The following CLVS1 variants were observed in gnomAD, a reference collection of about 807,000 sequenced individuals.
CLVS1 encodes clavesin-1.
A neutral mutation model predicts 33.1 loss-of-function variants in CLVS1; 10 were observed. The observed-to-expected ratio is 0.30, with a 90% CI of 0.19 to 0.51. The LOEUF (loss-of-function observed/expected upper bound fraction) is 0.51, where lower values mean the gene tolerates loss of function less well. Among genes scored for constraint, CLVS1 ranks in the 20% least tolerant of loss-of-function variants. The probability of loss-of-function intolerance (pLI) is 0.97; values close to 1 mark genes in which losing one functional copy is unlikely to be tolerated. For missense variants in CLVS1, 343 were observed against 433.4 expected (o/e 0.79, Z 1.85); for synonymous variants, 163 against 166.1 (o/e 0.98, Z 0.14).
chr8:61,377,334 T>A (rs1407211637), intron 3 of CLVS1: 1 of 152,218 alleles, frequency 6.6e-6, no homozygotes, highest in African/African-American at 2.4e-5. Flanking sequence ...TGGTTAGTCT[T>A]TAGGGTTCTT....
chr8:61,245,983 A>G (rs1057484026), intron 2 of CLVS1, among the ~76,000 whole-genome samples: 5 of 151,610 alleles, frequency 3.3e-5, no homozygotes, highest in African/African-American at 1.2e-4. Context: ...TGTTGCCCAG[A>G]CTGGTCTCGA....
At chr8:61,075,557 G>A (rs1471660799) in intron 1 of CLVS1, among the ~76,000 whole-genome samples, 1 of 152,202 alleles carries the variant, frequency 6.6e-6, no homozygotes, top group African/African-American at 2.4e-5. Flanking sequence ...AAACTAAGAT[G>A]GAAACTACTC....
intron 2 of CLVS1, among the ~76,000 whole-genome samples, chr8:61,183,925 C>T (rs1383283440): frequency 6.6e-6 from 1 of 152,148 alleles, no homozygotes; most frequent in African/African-American, 2.4e-5. Flanking sequence ...ATGTGTTTTC[C>T]TCATATAAGA....
intron 1 of CLVS1, among the ~76,000 whole-genome samples, chr8:61,084,490 G>A (rs939642567): frequency 6.6e-6 from 1 of 152,174 alleles, no homozygotes; most frequent in African/African-American, 2.4e-5. Context: ...ACTAGCTAGT[G>A]AGTAGAAGCC....
At chr8:61,401,931 T>C (rs1283467821) in intron 3 of CLVS1, among the ~76,000 whole-genome samples, 1 of 152,138 alleles carries the variant, frequency 6.6e-6, no homozygotes, top group Non-Finnish European at 1.5e-5. Flanking sequence ...AATGCACATA[T>C]TTTCATGCTA....
intron 1 of CLVS1, chr8:61,292,088 C>A (rs78433115): frequency 3.5e-6 from 1 of 288,074 alleles, no homozygotes; most frequent in South Asian, 3.5e-5. Context: ...ATGCATGGAC[C>A]ACCCTTTGAG....
chr8:61,166,880 TC>T (rs1338432688), intron 2 of CLVS1, among the ~76,000 whole-genome samples: 1 of 138,864 alleles, frequency 7.2e-6, no homozygotes, highest in Non-Finnish European at 1.5e-5. Context: ...ATAATTTTTT[TC>T]TTTTTTTTCT....
intron 1 of CLVS1, among the ~76,000 whole-genome samples, chr8:61,091,632 G>A (rs902991137): frequency 2.2e-4 from 33 of 152,176 alleles, no homozygotes; most frequent in African/African-American, 3.9e-4. Flanking sequence ...TTGAGTTATC[G>A]AAAGCCCTTT....
intron 2 of CLVS1, among the ~76,000 whole-genome samples, chr8:61,338,921 C>T (rs987125320): frequency 6.6e-6 from 1 of 152,000 alleles, no homozygotes; most frequent in Non-Finnish European, 1.5e-5. Context: ...CCCCTCCCTT[C>T]CTGGCTCTCT....
At chr8:60,994,258 G>A in the CLVS1 span, among the ~76,000 whole-genome samples, 1 of 152,136 alleles carries the variant, frequency 6.6e-6, no homozygotes, top group East Asian at 1.9e-4. Flanking sequence ...TGTATTGGAT[G>A]AGGACCCACC....
chr8:61,309,772 G>A (rs1810769799), intron 2 of CLVS1, among the ~76,000 whole-genome samples: 1 of 152,220 alleles, frequency 6.6e-6, no homozygotes, highest in Admixed American at 6.5e-5. Context: ...CCACAGCTCT[G>A]TGGTGTGATT....
intron 3 of CLVS1, chr8:61,377,095 T>G (rs1462768269): frequency 4.0e-6 from 1 of 247,178 alleles, no homozygotes; most frequent in African/African-American, 2.3e-5. Flanking sequence ...AACATCTGCT[T>G]TATGATCATG....
intron 2 of CLVS1, among the ~76,000 whole-genome samples, chr8:61,370,127 A>G (rs1191476150): frequency 6.6e-6 from 1 of 152,166 alleles, no homozygotes; most frequent in African/African-American, 2.4e-5. Flanking sequence ...GAAATTTCCA[A>G]AGTCAAATCA....
At chr8:61,242,868 T>C (rs994744077) in intron 2 of CLVS1, among the ~76,000 whole-genome samples, 1 of 152,212 alleles carries the variant, frequency 6.6e-6, no homozygotes, top group Non-Finnish European at 1.5e-5. Context: ...CTTTCTTTCA[T>C]TGTGAACATA....
intron 3 of CLVS1, among the ~76,000 whole-genome samples, chr8:61,446,392 T>A (rs2129606543): frequency 2.0e-5 from 3 of 152,328 alleles, no homozygotes; most frequent in Middle Eastern, 6.8e-3. Flanking sequence ...ACAATATGCC[T>A]GAAACTGGGT....
intron 2 of CLVS1, among the ~76,000 whole-genome samples, chr8:61,260,416 G>A (rs2129592177): frequency 6.6e-6 from 1 of 152,316 alleles, no homozygotes; most frequent in Non-Finnish European, 1.5e-5. Flanking sequence ...TCCAAAGGAA[G>A]GAACAAAACA....
the CLVS1 span, chr8:60,965,113 T>C: frequency 2.0e-5 from 3 of 152,050 alleles, no homozygotes; most frequent in Non-Finnish European, 4.4e-5. Flanking sequence ...GGGAGGGAAG[T>C]GTGAGGTCCG....
At chr8:61,212,651 AGGTGGT>A (rs1807995305) in intron 2 of CLVS1, among the ~76,000 whole-genome samples, 1 of 152,168 alleles carries the variant, frequency 6.6e-6, no homozygotes, top group South Asian at 2.1e-4. Flanking sequence ...ATAGGAGCTA[AGGTGGT>A]GGTGTCAATG....
intron 2 of CLVS1, among the ~76,000 whole-genome samples, chr8:61,205,188 T>C (rs1030018506): frequency 1.3e-5 from 2 of 152,176 alleles, no homozygotes; most frequent in Non-Finnish European, 2.9e-5. Flanking sequence ...AAGTTTACAG[T>C]TCTGTGGCAT....
Sources: allele counts gnomAD v4.1 joint callset (sites outside exome capture counted in the v4.1 genomes callset), GRCh38; gene constraint gnomAD v4.1.1; transcripts MANE v1.5; gene names NCBI Gene and HGNC (gene_info 2026-07-23, HGNC 2026-07-21).